The following CTNNA2 variants were observed in gnomAD, a reference collection of about 807,000 sequenced individuals.
The protein encoded by CTNNA2 is catenin alpha-2.
CTNNA2 carries 42 observed loss-of-function variants against 101.0 expected under a neutral mutation model. The ratio of observed to expected loss-of-function variants is 0.42; its 90% confidence interval spans 0.32 to 0.54. CTNNA2 has a LOEUF of 0.54. CTNNA2 is among the 20% of genes least tolerant of loss of function. The pLI, the probability that CTNNA2 is intolerant of heterozygous loss-of-function variation, is 0.14. For synonymous variants in CTNNA2, 450 were observed against 456.4 expected (o/e 0.99, Z 0.18); for missense variants, 871 against 1,223.1 (o/e 0.71, Z 4.29).
chr2:80,022,447 TGA>T (rs1694630699), intron 7 of CTNNA2, among the ~76,000 whole-genome samples: 1 of 152,138 alleles, frequency 6.6e-6, no homozygotes, highest in Non-Finnish European at 1.5e-5. Flanking sequence ...GCGTTTGATC[TGA>T]GAGCTGAAGG....
intron 7 of CTNNA2, among the ~76,000 whole-genome samples, chr2:80,145,885 T>C (rs1703299541): frequency 6.6e-6 from 1 of 152,242 alleles, no homozygotes; most frequent in South Asian, 2.1e-4. Flanking sequence ...TATAGATGTC[T>C]AAAGATGTCT....
chr2:79,613,911 T>G (rs1006639454), intron 1 of CTNNA2, among the ~76,000 whole-genome samples: 8 of 152,296 alleles, frequency 5.3e-5, no homozygotes, highest in Non-Finnish European at 1.0e-4. Context: ...TTGACTGTTT[T>G]ATAGTTGAGC....
chr2:79,356,772 A>G (rs76239717), intron 3 of CTNNA2, among the ~76,000 whole-genome samples: 1 of 152,328 alleles, frequency 6.6e-6, no homozygotes, highest in Non-Finnish European at 1.5e-5. Context: ...ACCATCCAGA[A>G]CACTACTTTC....
intron 6 of CTNNA2, among the ~76,000 whole-genome samples, chr2:79,891,425 G>T (rs1684296819): frequency 1.3e-5 from 2 of 152,094 alleles, no homozygotes; most frequent in Non-Finnish European, 2.9e-5. Flanking sequence ...CTTGTGTTTG[G>T]CACAAGTACT....
chr2:80,401,100 A>C (rs17019163), intron 8 of CTNNA2, among the ~76,000 whole-genome samples: 4,853 of 152,294 alleles, frequency 0.032, 83 homozygotes, highest in Middle Eastern at 0.12. Flanking sequence ...TAGACTCCCA[A>C]AGCATTTAAA....
At chr2:79,714,009 G>A (rs775198371) in intron 2 of CTNNA2, among the ~76,000 whole-genome samples, 54 of 152,150 alleles carry the variant, frequency 3.5e-4, no homozygotes, top group Non-Finnish European at 7.1e-4. Context: ...TCCTTGACAT[G>A]GGCTTTACGA....
At chr2:79,188,260 C>T (rs1170318138) in intron 1 of CTNNA2, among the ~76,000 whole-genome samples, 1 of 152,086 alleles carries the variant, frequency 6.6e-6, no homozygotes, top group African/African-American at 2.4e-5. Flanking sequence ...TTGTTCCTCA[C>T]CCCAGTGATG....
At chr2:80,298,586 G>A (rs1675967299) in intron 7 of CTNNA2, 1 of 152,156 alleles carries the variant, frequency 6.6e-6, no homozygotes, top group African/African-American at 2.4e-5. Context: ...TGGAAAACTT[G>A]GGAGGAATAA....
At position 80,647,886 on chromosome 2, in the gene CTNNA2, A is replaced by AGAAAG; in HGVS notation, c.*14_*15insGAAAG. ...GATTCCTTCTAGGACGATAGGTTTT[A>AGAAAG]ACAAGAAAGCTTTTTCTTTCTTTTC... On this transcript the variant is annotated 3_prime_UTR_variant, in exon 19 of 19. Coordinates refer to ENST00000402739, the MANE Select transcript of CTNNA2 (RefSeq NM_001282597.3). 7.1e-6 allele frequency: 11 copies of AGAAAG among 1,548,592 alleles called. No individual in the cohort carries two copies. Among genetic ancestry groups the AGAAAG allele is most frequent in the Non-Finnish European group, 9.6e-6 (11 of 1,149,706 alleles).
chr2:80,586,429 G>A (rs1468911063), intron 14 of CTNNA2: 4 of 152,278 alleles, frequency 2.6e-5, no homozygotes, highest in South Asian at 4.1e-4. Flanking sequence ...AGCACCTAGC[G>A]AATGTTTTAA....
intron 3 of CTNNA2, among the ~76,000 whole-genome samples, chr2:79,318,309 G>A (rs988732718): frequency 3.3e-5 from 5 of 152,040 alleles, no homozygotes; most frequent in African/African-American, 1.2e-4. Flanking sequence ...TAATTCAAAT[G>A]TAATCCAGTC....
chr2:80,038,826 G>A (rs1415179445), intron 7 of CTNNA2, among the ~76,000 whole-genome samples: 2 of 152,154 alleles, frequency 1.3e-5, no homozygotes, highest in African/African-American at 4.8e-5. Flanking sequence ...TCCAGCCTGG[G>A]TGACACAGTG....
intron 3 of CTNNA2, among the ~76,000 whole-genome samples, chr2:79,338,160 C>T (rs991086255): frequency 6.8e-6 from 1 of 147,398 alleles, no homozygotes; most frequent in Non-Finnish European, 1.5e-5. Flanking sequence ...GCAGGAGAAT[C>T]GCTTGAACTT....
At chr2:79,448,375 T>C (rs1362728617) in intron 4 of CTNNA2, among the ~76,000 whole-genome samples, 1 of 152,080 alleles carries the variant, frequency 6.6e-6, no homozygotes, top group Non-Finnish European at 1.5e-5. Context: ...ATAAGCCACA[T>C]ATTATGTATG....
At chr2:79,882,649 A>G (rs1574219389) in intron 6 of CTNNA2, among the ~76,000 whole-genome samples, 1 of 152,130 alleles carries the variant, frequency 6.6e-6, no homozygotes, top group South Asian at 2.1e-4. Flanking sequence ...AGGCAGTTGT[A>G]CCTCCCAGGG....
chr2:79,683,269 C>T (rs549486738), intron 2 of CTNNA2, among the ~76,000 whole-genome samples: 1 of 152,320 alleles, frequency 6.6e-6, no homozygotes, highest in East Asian at 1.9e-4. Flanking sequence ...CCACTCATCT[C>T]CTTAGGGCCT....
chr2:80,037,755 T>C (rs1277857285), intron 7 of CTNNA2, among the ~76,000 whole-genome samples: 1 of 152,208 alleles, frequency 6.6e-6, no homozygotes, highest in Non-Finnish European at 1.5e-5. Flanking sequence ...ACTTGGCTTA[T>C]TCTCTTCTTT....
chr2:80,048,613 T>C (rs1323310978), intron 7 of CTNNA2, among the ~76,000 whole-genome samples: 1 of 152,198 alleles, frequency 6.6e-6, no homozygotes, highest in Non-Finnish European at 1.5e-5. Context: ...GAACTGAAAT[T>C]GTGAAGGCAA....
intron 9 of CTNNA2, among the ~76,000 whole-genome samples, chr2:80,438,879 G>A (rs1682297686): frequency 6.6e-6 from 1 of 152,202 alleles, no homozygotes; most frequent in Non-Finnish European, 1.5e-5. Flanking sequence ...AGGGCTCATA[G>A]AGAATGAAGG....
Sources: allele counts gnomAD v4.1 joint callset (sites outside exome capture counted in the v4.1 genomes callset), GRCh38; gene constraint gnomAD v4.1.1; transcripts MANE v1.5; gene names NCBI Gene and HGNC (gene_info 2026-07-23, HGNC 2026-07-21).